The following LIPE variants were observed in gnomAD, a reference collection of about 807,000 sequenced individuals.
LIPE encodes the protein lipase E, hormone sensitive type.
Under a neutral mutation model 88.5 loss-of-function variants are expected in LIPE, and 66 were observed. The observed-to-expected ratio is 0.75, with a 90% confidence interval of 0.61 to 0.91. The LOEUF is 0.91. Ranked by LOEUF, LIPE falls within the 40% of genes least tolerant of loss-of-function variation. LIPE has a pLI of 0.00. For missense variants in LIPE, 1,346 were observed against 1,434.7 expected, an observed-to-expected ratio of 0.94 and a Z score of 1.00; for synonymous variants, 570 against 617.5, an observed-to-expected ratio of 0.92 and a Z score of 1.14.
chr19:42,408,502 C>T lies in LIPE; in HGVS notation c.1420-180G>A. 1 of 598,408 alleles carries T rather than the reference C, an allele frequency of 1.7e-6. No homozygotes were observed. Among genetic ancestry groups the T allele is most frequent in the Non-Finnish European group, 3.0e-6 (1 of 333,710 alleles). 37.1% of individuals were successfully genotyped at this position (598,408 alleles called of 1,614,324 possible). Reference sequence around the variant, plus strand: ...GGACCTGATGTTCTCAAAGGGAAAACAAATGATCAGCAGATAAGCAAAGCC... The same window carrying T: ...GGACCTGATGTTCTCAAAGGGAAAATAAATGATCAGCAGATAAGCAAAGCC... On this transcript the variant is annotated intron_variant, in intron 2 of 9. Coordinates refer to ENST00000244289, the MANE Select transcript of LIPE (RefSeq NM_005357.4). This position sits in a 1 kb window ranked among gnomAD's most constrained non-coding sequence, Gnocchi z 4.3.
chr19:42,408,249 C>T lies in LIPE; in HGVS notation c.1493G>A (p.Arg498His), dbSNP rs746234934. ...GGACTCACTGAGGCCTGTCTCGTTGCGTTTGTAGTGCTCCCCGAAGGACAC... is the reference window on the plus strand; with the variant it reads ...GGACTCACTGAGGCCTGTCTCGTTGTGTTTGTAGTGCTCCCCGAAGGACAC... The part of the protein sequence containing the change: ...GLVSFGEHYK[R>H]NETGLSVAAS... The change falls in exon 3 of 10, where the codon CGC becomes CAC. Residue 498 changes from arginine (R) to histidine (H), a missense_variant. Transcript: ENST00000244289. This position sits in a 1 kb window ranked among gnomAD's most constrained non-coding sequence, Gnocchi z 4.3. The T allele has an allele frequency of 9.9e-6, 16 of 1,613,950 alleles. No homozygotes were observed. Among genetic ancestry groups the T allele is most frequent in the Admixed American group, 1.7e-5 (1 of 59,996 alleles).
chr19:42,405,863 G>A (rs922419276), intron 7 of LIPE: 3 of 542,854 alleles, frequency 5.5e-6, no homozygotes, highest in Non-Finnish European at 9.9e-6. Flanking sequence ...GGGAAGCTGA[G>A]GCAGGATGAT....
chr19:42,425,213 C>A (rs1462917975), intron 1 of LIPE: 1 of 161,350 alleles, frequency 6.2e-6, no homozygotes, highest in Non-Finnish European at 1.4e-5. Flanking sequence ...GGGTAAGGTA[C>A]CGTCTTTGTA....
At chr19:42,411,170 G>T in intron 1 of LIPE, 1 of 325,054 alleles carries the variant, frequency 3.1e-6, no homozygotes, top group Non-Finnish European at 4.4e-6. Context: ...AGGAGCCCCT[G>T]CTATCACCTC....
rs2040166646 is a variant in LIPE at position 42,405,998 on chromosome 19, A to T, written c.2365+163T>A. ...CTCTCACACACACACACACACACAC[A>T]CACACACACACACACACACACGAAA... On this transcript the variant is annotated intron_variant, in intron 7 of 9. Coordinates refer to ENST00000244289, the MANE Select transcript of LIPE (RefSeq NM_005357.4). Among the ~76,000 whole-genome samples the T allele has an allele frequency of 2.0e-5, 3 of 148,050 alleles. No individual in the cohort carries two copies. In the South Asian group the frequency reaches 6.2e-4, roughly 31 times the overall value.
rs2040330369 is a variant in LIPE at position 42,410,240 on chromosome 19, A to G, written c.1419+67T>C. The G allele has an allele frequency of 6.9e-6, 10 of 1,440,096 alleles. No homozygotes were observed. The highest frequency in any genetic ancestry group is 1.4e-5 in the African/African-American group (1 of 70,362). The allele number at this position is 1,440,096 out of a possible 1,614,324, so 89.2% of individuals were successfully genotyped here. A position where few individuals can be genotyped will look rare whatever the true frequency, so the allele number is the denominator to read the frequency against. On this transcript the variant is annotated intron_variant, in intron 2 of 9. Coordinates refer to ENST00000244289, the MANE Select transcript of LIPE (RefSeq NM_005357.4). This position sits in a 1 kb window ranked among gnomAD's most constrained non-coding sequence, Gnocchi z 6.1. ...ACCACTGGTTACTTTACCATACTAT[A>G]GGCCAGGCCAGGGGCCACCAGGTGC...
chr19:42,404,728 C>T (rs2040114162), intron 8 of LIPE, among the ~76,000 whole-genome samples: 1 of 152,234 alleles, frequency 6.6e-6, no homozygotes, highest in Non-Finnish European at 1.5e-5. Flanking sequence ...TACTTAAGTA[C>T]TTTGTGGCCC....
At chr19:42,409,767 G>A (rs1903724) in intron 2 of LIPE, among the ~76,000 whole-genome samples, 4,678 of 152,302 alleles carry the variant, frequency 0.031, 220 homozygotes, top group African/African-American at 0.1. Context: ...GGAGGAGCTG[G>A]CTGGCCCAGC....
chr19:42,405,568 A>C lies in LIPE; in HGVS notation c.2366-7T>G. On this transcript the variant is annotated splice_region_variant and splice_polypyrimidine_tract_variant and intron_variant, in intron 7 of 9. Coordinates refer to ENST00000244289, the MANE Select transcript of LIPE (RefSeq NM_005357.4). ...TGGTCCTCCGTCTTTGCACCTGCAG[A>C]ATATATGTGGGTAGCTGAGTTGTTT... is the stretch of plus-strand genomic sequence containing the variant. The C allele has an allele frequency of 6.2e-7, 1 of 1,608,568 alleles. No homozygotes were observed. The highest frequency in any genetic ancestry group is 8.5e-7 in the Non-Finnish European group (1 of 1,175,944).
At chr19:42,424,013 G>A (rs983200845) in intron 1 of LIPE, 8 of 1,180,060 alleles carry the variant, frequency 6.8e-6, no homozygotes, top group Non-Finnish European at 8.5e-6. Flanking sequence ...CTGGGGTGGG[G>A]GCGGGCCAGG....
At chr19:42,423,494 C>T in intron 1 of LIPE, 1 of 1,281,380 alleles carries the variant, frequency 7.8e-7, no homozygotes, top group Non-Finnish European at 1.0e-6. Context: ...GAGGCCGGGG[C>T]CATAGCGGCC....
rs1198901293 is a variant in LIPE at position 42,407,944 on chromosome 19, C to T, written c.1656+32G>A. On this transcript the variant is annotated intron_variant, in intron 4 of 9. Coordinates refer to ENST00000244289, the MANE Select transcript of LIPE (RefSeq NM_005357.4). This position sits in a 1 kb window ranked among gnomAD's most constrained non-coding sequence, Gnocchi z 5.8. Reference sequence around the variant, plus strand: ...CTGTGGCCTCAGATGAGTCTCTGGGCCTCAGTGTCCCCATCTGCAACAGGC... The same window carrying T: ...CTGTGGCCTCAGATGAGTCTCTGGGTCTCAGTGTCCCCATCTGCAACAGGC... 3.1e-6 allele frequency: 5 copies of T among 1,602,924 alleles called. No homozygotes were observed. Among genetic ancestry groups the T allele is most frequent in the South Asian group, 1.1e-5 (1 of 90,078 alleles).
In LIPE at chr19:42,407,486, G is replaced by T. The variant is rs753242354; in HGVS notation, c.1843-18C>A. The T allele has an allele frequency of 2.2e-5, 35 of 1,601,464 alleles. No homozygotes were observed. The highest frequency in any genetic ancestry group is 2.8e-5 in the Non-Finnish European group (33 of 1,171,522). On this transcript the variant is annotated intron_variant, in intron 5 of 9. Coordinates refer to ENST00000244289, the MANE Select transcript of LIPE (RefSeq NM_005357.4). This position sits in a 1 kb window ranked among gnomAD's most constrained non-coding sequence, Gnocchi z 5.8. The stretch of plus-strand genomic sequence containing the variant: ...TCACTGTCCTGGGGGTGAGGAGGGA[G>T]ACGGTGTGTGAGGTTGGGGAGAGCT...
At chr19:42,412,219 G>C (rs1007870833) in intron 1 of LIPE, 2 of 959,862 alleles carry the variant, frequency 2.1e-6, no homozygotes, top group Admixed American at 1.2e-4. Context: ...AGCTGCCCTT[G>C]GTGGAATGCT....
intron 1 of LIPE, among the ~76,000 whole-genome samples, chr19:42,416,199 C>G (rs2040483728): frequency 6.6e-6 from 1 of 152,024 alleles, no homozygotes; most frequent in Non-Finnish European, 1.5e-5. Context: ...AAAAAAGAAG[C>G]CGGGCGTGGT....
At chr19:42,420,245 CCTCT>C (rs1023906106) in intron 1 of LIPE, among the ~76,000 whole-genome samples, 14 of 152,044 alleles carry the variant, frequency 9.2e-5, no homozygotes, top group Middle Eastern at 3.2e-3. Context: ...TGTGCTGCTC[CCTCT>C]GTCTGTGCTT....
chr19:42,411,603 C>T (rs1222038896), intron 1 of LIPE, among the ~76,000 whole-genome samples: 1 of 152,208 alleles, frequency 6.6e-6, no homozygotes, highest in Non-Finnish European at 1.5e-5. Flanking sequence ...CTAGACTTCA[C>T]TGAAGAGTCA....
chr19:42,406,470 G>A lies in LIPE; in HGVS notation c.2138-82C>T. ...GAGGGCAGGGAGGAACTCAAGCTGG[G>A]AGAACTGGGCTCTCCAAGGTGGGGT... On this transcript the variant is annotated intron_variant, in intron 6 of 9. Coordinates refer to ENST00000244289, the MANE Select transcript of LIPE (RefSeq NM_005357.4). This position sits in a 1 kb window ranked among gnomAD's most constrained non-coding sequence, Gnocchi z 5.7. 6 of 1,234,724 alleles carry A rather than the reference G, an allele frequency of 4.9e-6. No homozygotes were observed. Among genetic ancestry groups the A allele is most frequent in the Non-Finnish European group, 7.0e-6 (6 of 855,784 alleles). The allele number at this position is 1,234,724 out of a possible 1,614,324, so 76.5% of individuals were successfully genotyped here.
intron 1 of LIPE, among the ~76,000 whole-genome samples, chr19:42,411,685 C>A (rs978581038): frequency 6.6e-6 from 1 of 152,188 alleles, no homozygotes; most frequent in Non-Finnish European, 1.5e-5. Flanking sequence ...TCTGTGAGAT[C>A]CCCAAAACTC....
Sources: gnomAD v4.1 joint callset for allele counts (sites outside exome capture counted in the v4.1 genomes callset) on GRCh38, gnomAD v4.1.1 for gene constraint, Gnocchi (gnomAD v3.1) non-coding constraint, MANE v1.5 for transcripts, NCBI Gene and HGNC (gene_info 2026-07-23, HGNC 2026-07-21) for gene names.